Variants in TCF4 observed in about 807,000 individuals in gnomAD.
TCF4 encodes SL3-3 enhancer factor 2.
Under a neutral mutation model 82.1 loss-of-function variants are expected in TCF4, and 3 were observed. That is an observed-to-expected ratio of 0.04 (90% CI 0.02 to 0.09). The LOEUF is 0.09. Ranked by LOEUF, TCF4 falls within the 10% of genes least tolerant of loss-of-function variation. TCF4 has a pLI of 1.00. For synonymous variants in TCF4, 276 were observed against 309.6 expected (o/e 0.89, Z 1.14); for missense variants, 518 against 852.7 (o/e 0.61, Z 4.89).
At chr18:55,367,246 G>A (rs566756831) in intron 6 of TCF4, among the ~76,000 whole-genome samples, 2 of 152,292 alleles carry the variant, frequency 1.3e-5, no homozygotes, top group African/African-American at 4.8e-5. Flanking sequence ...TTATGTGTAT[G>A]CGAGTGTGTG....
At chr18:55,325,379 G>A (rs2147614696) in intron 8 of TCF4, among the ~76,000 whole-genome samples, 1 of 152,172 alleles carries the variant, frequency 6.6e-6, no homozygotes, top group South Asian at 2.1e-4. Context: ...ACTATTACAG[G>A]GTAAAGAGCT....
chr18:55,380,257 C>A (rs2091656932), intron 6 of TCF4, among the ~76,000 whole-genome samples: 1 of 151,816 alleles, frequency 6.6e-6, no homozygotes, highest in African/African-American at 2.4e-5. Context: ...TAGCTCTCTT[C>A]CTTTACTTTT....
intron 3 of TCF4, among the ~76,000 whole-genome samples, chr18:55,535,603 T>C (rs181425199): frequency 6.6e-6 from 1 of 152,344 alleles, no homozygotes; most frequent in East Asian, 1.9e-4. Flanking sequence ...TGAGAAAATG[T>C]GGCAATAAAA....
At chr18:55,354,144 A>C (rs1184461134) in intron 6 of TCF4, among the ~76,000 whole-genome samples, 1 of 152,068 alleles carries the variant, frequency 6.6e-6, no homozygotes, top group Non-Finnish European at 1.5e-5. Flanking sequence ...ACTCGCTCCT[A>C]ATTTTTTTTC....
chr18:55,380,214 G>A (rs1201148649), intron 6 of TCF4, among the ~76,000 whole-genome samples: 2 of 151,738 alleles, frequency 1.3e-5, no homozygotes, highest in Non-Finnish European at 2.9e-5. Context: ...ATCTTCTCGT[G>A]GTATCCTCAC....
intron 6 of TCF4, among the ~76,000 whole-genome samples, chr18:55,376,180 C>T (rs991882548): frequency 2.5e-4 from 38 of 151,912 alleles, no homozygotes; most frequent in African/African-American, 8.9e-4. Flanking sequence ...CATCACCACA[C>T]CAGGGTTTTG....
chr18:55,339,390 G>A (rs2079328653), intron 8 of TCF4, among the ~76,000 whole-genome samples: 1 of 152,182 alleles, frequency 6.6e-6, no homozygotes, highest in African/African-American at 2.4e-5. Flanking sequence ...AAGCCAAATC[G>A]AAATGGAAGT....
chr18:55,311,761 C>T (rs1167130778), intron 8 of TCF4, among the ~76,000 whole-genome samples: 1 of 152,158 alleles, frequency 6.6e-6, no homozygotes, highest in African/African-American at 2.4e-5. Context: ...GATTATGTGA[C>T]AGCAAATATT....
chr18:55,222,731 CA>C lies in TCF4; in HGVS notation c.*5303del, dbSNP rs1217207315. 6.6e-6 allele frequency: 1 copy of C among 152,572 alleles called. No homozygotes were observed. The highest frequency in any genetic ancestry group is 6.5e-5 in the Admixed American group (1 of 15,278). The allele number at this position is 152,572 out of a possible 1,614,324, so 9.5% of individuals were successfully genotyped here. A position where few individuals can be genotyped will look rare whatever the true frequency, so the allele number is the denominator to read the frequency against. ...TACAGTGCAATGTTGAAATAGCCTCCAAATTTTGCAAAGTAGATTGATGTCC... is the reference window on the plus strand; with the variant it reads ...TACAGTGCAATGTTGAAATAGCCTCCAATTTTGCAAAGTAGATTGATGTCC... On this transcript the variant is annotated 3_prime_UTR_variant, in exon 20 of 20. Coordinates refer to ENST00000354452, the MANE Select transcript of TCF4 (RefSeq NM_001083962.2).
intron 3 of TCF4, among the ~76,000 whole-genome samples, chr18:55,524,442 T>A (rs1327689581): frequency 6.6e-6 from 1 of 152,184 alleles, no homozygotes; most frequent in Non-Finnish European, 1.5e-5. Flanking sequence ...TGGTGTTTCA[T>A]GAAAAACCAA....
chr18:55,392,436 T>C (rs912866906), intron 6 of TCF4, among the ~76,000 whole-genome samples: 2 of 105,622 alleles, frequency 1.9e-5, no homozygotes, highest in African/African-American at 3.7e-5. Context: ...CTGGACAACA[T>C]AGAGACCCAA....
chr18:55,250,583 T>A (rs1292799587), intron 15 of TCF4, among the ~76,000 whole-genome samples: 1 of 152,196 alleles, frequency 6.6e-6, no homozygotes, highest in East Asian at 1.9e-4. Flanking sequence ...AGGCTCACTT[T>A]ACCGACACCT....
intron 3 of TCF4, among the ~76,000 whole-genome samples, chr18:55,567,463 T>C (rs1193345079): frequency 6.6e-6 from 1 of 152,166 alleles, no homozygotes; most frequent in Non-Finnish European, 1.5e-5. Context: ...GAGATGACTT[T>C]AAGACACAAT....
At chr18:55,592,645 G>T (rs1221130609), upstream of TCF4, among the ~76,000 whole-genome samples, 4 of 152,172 alleles carry the variant, frequency 2.6e-5, no homozygotes, top group Non-Finnish European at 5.9e-5. Context: ...ACTCCTTCTT[G>T]CCCCAGCCCC....
At chr18:55,565,704 G>C (rs2097398627) in intron 3 of TCF4, among the ~76,000 whole-genome samples, 1 of 152,012 alleles carries the variant, frequency 6.6e-6, no homozygotes, top group Admixed American at 6.6e-5. Context: ...CTATAAAATT[G>C]CATAGTCTAT....
chr18:55,273,354 A>ACAGC (rs2060792172), intron 10 of TCF4, among the ~76,000 whole-genome samples: 1 of 152,182 alleles, frequency 6.6e-6, no homozygotes, highest in African/African-American at 2.4e-5. Context: ...TAATCCAGGA[A>ACAGC]CAGCGCTTAG....
chr18:55,614,672 A>G (rs2147969699), intron 2 of TCF4, among the ~76,000 whole-genome samples: 1 of 152,292 alleles, frequency 6.6e-6, no homozygotes, highest in South Asian at 2.1e-4. Flanking sequence ...TTTATAATAC[A>G]TATAATCTGG....
At chr18:55,510,577 A>G (rs1018821494) in intron 3 of TCF4, 14 of 1,497,308 alleles carry the variant, frequency 9.4e-6, no homozygotes, top group Non-Finnish European at 1.2e-5. Flanking sequence ...ATAAATATTT[A>G]CCTCTGCTGT....
chr18:55,439,289 G>C (rs574575318), intron 5 of TCF4, among the ~76,000 whole-genome samples: 1 of 152,196 alleles, frequency 6.6e-6, no homozygotes, highest in African/African-American at 2.4e-5. Flanking sequence ...CACATCTGAG[G>C]ATAAGGGCAA....
Sources: allele counts gnomAD v4.1 joint callset (sites outside exome capture counted in the v4.1 genomes callset), GRCh38; gene constraint gnomAD v4.1.1; transcripts MANE v1.5; gene names NCBI Gene and HGNC (gene_info 2026-07-23, HGNC 2026-07-21).